The following PRR5L variants were observed in gnomAD, a reference collection of about 807,000 sequenced individuals.
PRR5L encodes proline-rich protein 5-like.
A neutral mutation model predicts 36.4 loss-of-function variants in PRR5L; 21 were observed. The ratio of observed to expected loss-of-function variants is 0.58; its 90% CI spans 0.41 to 0.83. The LOEUF (loss-of-function observed/expected upper bound fraction) is 0.83, where lower values mean the gene tolerates loss of function less well. Ranked by LOEUF, PRR5L falls within the 40% of genes least tolerant of loss-of-function variation. PRR5L has a pLI of 0.00. For synonymous variants in PRR5L, 188 were observed against 197.0 expected, an observed-to-expected ratio of 0.95 and a Z score of 0.38; for missense variants, 381 against 473.3, an observed-to-expected ratio of 0.80 and a Z score of 1.81.
At chr11:36,356,112 A>G (rs1857025197) in intron 1 of PRR5L, among the ~76,000 whole-genome samples, 1 of 151,646 alleles carries the variant, frequency 6.6e-6, no homozygotes, top group Non-Finnish European at 1.5e-5. Context: ...AGGTTTCACC[A>G]TGTTGCCTGG....
rs562467379 is a variant in PRR5L at position 36,404,600 on chromosome 11, G to A, written c.245+1222G>A. On this transcript the variant is annotated intron_variant, in intron 3 of 8. Transcript: ENST00000530639. ...TCTTTTCATGTCCTGGTATTCATTCGTTTCTGGATATGTTAAGTGCAGAAC... is the reference window on the plus strand; with the variant it reads ...TCTTTTCATGTCCTGGTATTCATTCATTTCTGGATATGTTAAGTGCAGAAC... Among the ~76,000 whole-genome samples the A allele has an allele frequency of 1.3e-4, 20 of 152,034 alleles. No individual in the cohort carries two copies. The South Asian group carries it at 3.1e-3, about 24-fold the overall frequency.
At chr11:36,456,899 C>T (rs1445952498) in intron 8 of PRR5L, among the ~76,000 whole-genome samples, 1 of 152,218 alleles carries the variant, frequency 6.6e-6, no homozygotes, top group African/African-American at 2.4e-5. Flanking sequence ...GCAGCTAGTG[C>T]AGCATTTTGC....
At chr11:36,436,655 A>G (rs1858610944) in intron 5 of PRR5L, among the ~76,000 whole-genome samples, 2 of 152,240 alleles carry the variant, frequency 1.3e-5, no homozygotes, top group Non-Finnish European at 2.9e-5. Context: ...TAAAGCCAAT[A>G]TCTTAATGAG....
intron 1 of PRR5L, among the ~76,000 whole-genome samples, chr11:36,382,940 T>C (rs931130754): frequency 9.2e-5 from 14 of 152,178 alleles, no homozygotes; most frequent in African/African-American, 3.4e-4. Flanking sequence ...CCCAGGAATC[T>C]ATATTCCTTA....
At chr11:36,415,170 G>A (rs961246060) in intron 3 of PRR5L, among the ~76,000 whole-genome samples, 7 of 151,964 alleles carry the variant, frequency 4.6e-5, no homozygotes, top group African/African-American at 1.7e-4. Flanking sequence ...TGTTCTTTTG[G>A]CTTAGGATTG....
intron 3 of PRR5L, among the ~76,000 whole-genome samples, chr11:36,411,156 CT>C (rs1858017712): frequency 6.6e-6 from 1 of 152,182 alleles, no homozygotes; most frequent in South Asian, 2.1e-4. Flanking sequence ...CACCTTGGGT[CT>C]TTCTCTGTGT....
chr11:36,376,050 G>A lies in PRR5L; in HGVS notation c.-125-24947G>A. The stretch of plus-strand genomic sequence containing the variant: ...GGGGGTCGGCTGCAGATCTCCCGTT[G>A]TGTGAGAGAAACGCAAGCACGGAGC... On this transcript the variant is annotated intron_variant, in intron 1 of 8. Transcript: ENST00000530639. 3.8e-6 allele frequency: 3 copies of A among 791,608 alleles called. No homozygotes were observed. The South Asian group carries it at 4.2e-5, about 11-fold the overall frequency. The allele number at this position is 791,608 out of a possible 1,614,324, so 49.0% of individuals were successfully genotyped here.
In PRR5L at chr11:36,328,116, G is replaced by A. The variant is rs189621103; in HGVS notation, c.-126+31678G>A. Among the ~76,000 whole-genome samples the A allele has an allele frequency of 4.5e-4, 68 of 152,230 alleles. 1 individual carries two copies. The highest frequency in any genetic ancestry group is 1.5e-3 in the African/African-American group (64 of 41,542). The stretch of plus-strand genomic sequence containing the variant: ...AGCAATATTCATGTATGTACATGAA[G>A]CTCACAGAAAAATGTGACTTTAAAA... On this transcript the variant is annotated intron_variant, in intron 1 of 8. Transcript: ENST00000530639.
Position 36,465,051 on chromosome 11 carries a change from C to T in PRR5L, c.*2315C>T, listed in dbSNP as rs1859268438. The T allele has an allele frequency of 1.3e-5, 2 of 152,148 alleles. No individual in the cohort carries two copies. Among genetic ancestry groups the T allele is most frequent in the African/African-American group, 2.4e-5 (1 of 41,424 alleles). The allele number at this position is 152,148 out of a possible 1,614,324, so 9.4% of individuals were successfully genotyped here. ...TGAGGTGTCCTTAACCACTTTTTCT[C>T]TCCTAGATTCATTTTCATTATTTAT... On this transcript the variant is annotated 3_prime_UTR_variant, in exon 9 of 9. Coordinates refer to ENST00000530639, the MANE Select transcript of PRR5L (RefSeq NM_001160167.2).
intron 8 of PRR5L, among the ~76,000 whole-genome samples, chr11:36,461,568 A>G (rs1412072992): frequency 6.6e-6 from 1 of 152,086 alleles, no homozygotes; most frequent in Non-Finnish European, 1.5e-5. Context: ...GGTTGCAGTG[A>G]GCTGAGATCA....
chr11:36,435,060 G>A (rs1203272860), intron 5 of PRR5L, among the ~76,000 whole-genome samples: 1 of 152,006 alleles, frequency 6.6e-6, no homozygotes, highest in Admixed American at 6.6e-5. Context: ...GTTGTAGAAG[G>A]CTTAAGATAA....
chr11:36,369,492 C>G (rs916310892), intron 1 of PRR5L, among the ~76,000 whole-genome samples: 1 of 152,174 alleles, frequency 6.6e-6, no homozygotes, highest in Non-Finnish European at 1.5e-5. Context: ...GTGATGGTTC[C>G]TGGAAAAGGC....
At chr11:36,319,909 G>A (rs569082506) in intron 1 of PRR5L, among the ~76,000 whole-genome samples, 4 of 152,236 alleles carry the variant, frequency 2.6e-5, no homozygotes, top group South Asian at 2.1e-4. Context: ...CCAGGGGAGG[G>A]GGATTTACCA....
intron 6 of PRR5L, among the ~76,000 whole-genome samples, chr11:36,445,534 T>A (rs1858810861): frequency 1.3e-5 from 2 of 152,186 alleles, no homozygotes; most frequent in Admixed American, 1.3e-4. Context: ...CTTTCTCTTT[T>A]GGTCTTGGGA....
chr11:36,438,820 A>G (rs1353930151), intron 6 of PRR5L, among the ~76,000 whole-genome samples: 2 of 152,080 alleles, frequency 1.3e-5, no homozygotes, highest in East Asian at 1.9e-4. Context: ...CTGTAGTCTC[A>G]GGTACTAGGG....
At chr11:36,351,597 A>T (rs1392593591) in intron 1 of PRR5L, among the ~76,000 whole-genome samples, 1 of 10,184 alleles carries the variant, frequency 9.8e-5, no homozygotes, top group African/African-American at 3.7e-4. Flanking sequence ...TTATATATTT[A>T]TATAAATATA....
intron 1 of PRR5L, among the ~76,000 whole-genome samples, chr11:36,335,926 T>C (rs545538178): frequency 6.6e-6 from 1 of 152,254 alleles, no homozygotes; most frequent in East Asian, 1.9e-4. Context: ...GGAAATACTC[T>C]GATTTAATCT....
At chr11:36,334,904 TACTTCCACTGAGCTCTGACTGCAAAAC>T (rs568432137) in intron 1 of PRR5L, among the ~76,000 whole-genome samples, 15,562 of 152,016 alleles carry the variant, frequency 0.1, 1,520 homozygotes, top group African/African-American at 0.26. Context: ...AATAATTTTG[TACTTCCACTGAGCTCTGACTGCAAAAC>T]ACTTCCACTG....
chr11:36,446,706 G>T (rs1367770106), intron 7 of PRR5L, among the ~76,000 whole-genome samples: 1 of 152,182 alleles, frequency 6.6e-6, no homozygotes, highest in Non-Finnish European at 1.5e-5. Flanking sequence ...TCAGGAAGTA[G>T]ATGCCCTTTT....
Sources: allele counts gnomAD v4.1 joint callset (sites outside exome capture counted in the v4.1 genomes callset), GRCh38; gene constraint gnomAD v4.1.1; transcripts MANE v1.5; gene names NCBI Gene and HGNC (gene_info 2026-07-23, HGNC 2026-07-21).